SLCO1A2: variants seen among roughly 807,000 people sequenced by gnomAD.
The protein encoded by SLCO1A2 is OATP-1.
SLCO1A2 carries 67 observed loss-of-function variants against 69.0 expected under a neutral mutation model. The ratio of observed to expected loss-of-function variants is 0.97; its 90% CI spans 0.80 to 1.19. SLCO1A2 has a LOEUF of 1.19. SLCO1A2 is among the 50% of genes most tolerant of loss of function. The pLI, the probability that SLCO1A2 is intolerant of heterozygous loss-of-function variation, is 0.00. For synonymous variants in SLCO1A2, 260 were observed against 265.9 expected, an observed-to-expected ratio of 0.98 and a Z score of 0.22; for missense variants, 787 against 793.7, an observed-to-expected ratio of 0.99 and a Z score of 0.10.
rs113815403 is a variant in SLCO1A2, at chr12:21,269,721, C to T, written c.1840G>A (p.Val614Ile). The T allele has an allele frequency of 4.3e-6, 7 of 1,612,328 alleles. No individual in the cohort carries two copies. Among genetic ancestry groups the T allele is most frequent in the African/African-American group, 4.0e-5 (3 of 74,832 alleles). ...LPAALRGSSF[V>I]PALIILILLR... ...AGAATTAAGATGATTAAGGCTGGAA[C>T]AAAGCTTGATCCTCTTAGTGCTGCC... Residue 614 changes from valine to isoleucine, a missense_variant, in exon 15 of 15, where the codon GTT becomes ATT. Coordinates refer to ENST00000683939, the MANE Select transcript of SLCO1A2 (RefSeq NM_001386879.1).
At chr12:21,381,023 A>C (rs1277169673) in intron 1 of SLCO1A2, among the ~76,000 whole-genome samples, 1 of 152,176 alleles carries the variant, frequency 6.6e-6, no homozygotes, top group Non-Finnish European at 1.5e-5. Context: ...AAAACACCTA[A>C]AACTGATGAT....
chr12:21,362,829 C>G (rs981591059), intron 2 of SLCO1A2, among the ~76,000 whole-genome samples: 4 of 152,174 alleles, frequency 2.6e-5, no homozygotes, highest in Non-Finnish European at 5.9e-5. Context: ...AGGATCAATT[C>G]AACAAGAAGA....
intron 12 of SLCO1A2, among the ~76,000 whole-genome samples, chr12:21,289,216 G>A (rs1425002941): frequency 1.3e-5 from 2 of 150,928 alleles, no homozygotes; most frequent in African/African-American, 4.9e-5. Context: ...GTGTGTGTGT[G>A]TGTGTGTGTA....
chr12:21,315,714 C>G (rs1188132871), intron 3 of SLCO1A2, among the ~76,000 whole-genome samples: 2 of 152,136 alleles, frequency 1.3e-5, no homozygotes, highest in Non-Finnish European at 2.9e-5. Context: ...CTATATCAGC[C>G]ACATTGACCT....
At chr12:21,287,813 A>C (rs1327902428) in intron 12 of SLCO1A2, among the ~76,000 whole-genome samples, 1 of 110,220 alleles carries the variant, frequency 9.1e-6, no homozygotes, top group Admixed American at 1.1e-4. Context: ...TTGAACAATG[A>C]GATCACATGG....
upstream of SLCO1A2, among the ~76,000 whole-genome samples, chr12:21,399,749 A>C (rs957189095): frequency 1.4e-4 from 19 of 132,466 alleles, no homozygotes; most frequent in African/African-American, 5.4e-4. Flanking sequence ...GATCTTTGAC[A>C]AACCTGAGGA....
chr12:21,385,095 C>T (rs1161171584), intron 1 of SLCO1A2, among the ~76,000 whole-genome samples: 1 of 152,102 alleles, frequency 6.6e-6, no homozygotes, highest in African/African-American at 2.4e-5. Context: ...TTTTTACCTT[C>T]ATGGACATAA....
intron 2 of SLCO1A2, chr12:21,373,619 A>G (rs1275132829): frequency 8.6e-6 from 6 of 700,208 alleles, no homozygotes; most frequent in Non-Finnish European, 1.6e-5. Context: ...GCAAATAAAT[A>G]TCTTTGATGG....
intron 12 of SLCO1A2, among the ~76,000 whole-genome samples, chr12:21,283,632 A>G (rs1017522319): frequency 6.6e-6 from 1 of 152,182 alleles, no homozygotes; most frequent in Non-Finnish European, 1.5e-5. Flanking sequence ...TGAAGAGACA[A>G]CTCACAGAAT....
chr12:21,346,696 A>G (rs1354495059), intron 2 of SLCO1A2, among the ~76,000 whole-genome samples: 1 of 152,164 alleles, frequency 6.6e-6, no homozygotes, highest in East Asian at 1.9e-4. Context: ...CTCCAACATC[A>G]TCAGATACTA....
intron 1 of SLCO1A2, chr12:21,378,505 A>AGT: frequency 8.7e-7 from 1 of 1,147,022 alleles, no homozygotes; most frequent in Non-Finnish European, 1.3e-6. Context: ...TTTCATCTCC[A>AGT]GTGTGAATAT....
In SLCO1A2 at chr12:21,301,233, A is replaced by C; in HGVS notation, c.626T>G (p.Ile209Ser). ...VETGAIIGPL[I>S]GLLLASFCAN... is the part of the protein sequence containing the mutation. ...ACAGAATGATGCCAACAAAAGTCCA[A>C]TCAAAGGACCAATAATAGCTCCTGT... Residue 209 changes from isoleucine to serine, a missense_variant, in exon 7 of 15, where the codon ATT becomes AGT. By Grantham distance (142) the Ile-to-Ser change is moderately radical. Transcript: ENST00000683939. The C allele has an allele frequency of 1.9e-6, 3 of 1,612,716 alleles. No individual in the cohort carries two copies. The highest frequency in any genetic ancestry group is 2.5e-6 in the Non-Finnish European group (3 of 1,179,446).
At chr12:21,403,898 A>G (rs902452475) in intron 1 of SLCO1A2, among the ~76,000 whole-genome samples, 4 of 151,980 alleles carry the variant, frequency 2.6e-5, no homozygotes, top group Non-Finnish European at 5.9e-5. Context: ...ATCAAATATA[A>G]TATGTTAATG....
At position 21,268,944 on chromosome 12, in the gene SLCO1A2, T is replaced by C. The variant is rs1942347584; in HGVS notation, c.*604A>G. The C allele has an allele frequency of 6.6e-6, 1 of 151,990 alleles. No individual in the cohort carries two copies. Among genetic ancestry groups the C allele is most frequent in the South Asian group, 2.1e-4 (1 of 4,836 alleles). The allele number at this position is 151,990 out of a possible 1,614,324, so 9.4% of individuals were successfully genotyped here. On this transcript the variant is annotated 3_prime_UTR_variant, in exon 15 of 15. Transcript: ENST00000683939. Reference sequence around the variant, plus strand: ...AAGTTTGTCAGTATTCTGTACAAATTGAGCAAATGTATGAGTAATAAAGAA... The same window carrying C: ...AAGTTTGTCAGTATTCTGTACAAATCGAGCAAATGTATGAGTAATAAAGAA...
At chr12:21,396,686 C>G (rs1446028815), upstream of SLCO1A2, among the ~76,000 whole-genome samples, 1 of 152,118 alleles carries the variant, frequency 6.6e-6, no homozygotes, top group Admixed American at 6.5e-5. Flanking sequence ...AGCAGAAACC[C>G]TACAAGCCAG....
chr12:21,380,486 TATTC>T (rs1940518073), intron 1 of SLCO1A2, among the ~76,000 whole-genome samples: 1 of 152,236 alleles, frequency 6.6e-6, no homozygotes, highest in African/African-American at 2.4e-5. Context: ...TTCTGAAGTT[TATTC>T]ATTCAATTTC....
At chr12:21,279,895 C>T (rs11045930) in intron 12 of SLCO1A2, among the ~76,000 whole-genome samples, 42,140 of 151,430 alleles carry the variant, frequency 0.28, 6,243 homozygotes, top group African/African-American at 0.35. Flanking sequence ...TTTCAAGACA[C>T]AGACAGTAAA....
chr12:21,341,358 G>T (rs1953062521), intron 2 of SLCO1A2, among the ~76,000 whole-genome samples: 1 of 151,816 alleles, frequency 6.6e-6, no homozygotes, highest in Non-Finnish European at 1.5e-5. Context: ...TTTCCTTTAG[G>T]AATTTCTATG....
chr12:21,386,529 G>A (rs972262338), intron 1 of SLCO1A2, among the ~76,000 whole-genome samples: 5 of 151,998 alleles, frequency 3.3e-5, no homozygotes, highest in Non-Finnish European at 5.9e-5. Context: ...GTTTTATAAA[G>A]GGCAATTACC....
Sources: allele counts gnomAD v4.1 joint callset (sites outside exome capture counted in the v4.1 genomes callset), GRCh38; gene constraint gnomAD v4.1.1; transcripts MANE v1.5; gene names NCBI Gene and HGNC (gene_info 2026-07-23, HGNC 2026-07-21).